KPNA4: variants seen among roughly 807,000 people sequenced by gnomAD.
The protein encoded by KPNA4 is karyopherin subunit alpha 4, also known as importin subunit alpha-3.
KPNA4 carries 13 observed loss-of-function variants against 71.3 expected under a neutral mutation model. The observed-to-expected ratio is 0.18, with a 90% CI of 0.12 to 0.29. The LOEUF is 0.29. Among genes scored for constraint, KPNA4 ranks in the 10% least tolerant of loss-of-function variants. The pLI is 1.00. For missense variants in KPNA4, 334 were observed against 603.2 expected, an observed-to-expected ratio of 0.55 and a Z score of 4.67; for synonymous variants, 189 against 195.2, an observed-to-expected ratio of 0.97 and a Z score of 0.26.
chr3:160,498,570 TG>T lies in KPNA4; in HGVS notation c.*3533del, dbSNP rs2108540249. 1 of 152,362 alleles carries T rather than the reference TG, an allele frequency of 6.6e-6. No individual in the cohort carries two copies. The highest frequency in any genetic ancestry group is 2.4e-5 in the African/African-American group (1 of 41,584). The allele number at this position is 152,362 out of a possible 1,614,324, so 9.4% of individuals were successfully genotyped here. ...GGGTTAATCAAAAGGGAGATCACCC[TG>T]GTGGGTAGGTGGCCTGATCTAATCA... On this transcript the variant is annotated 3_prime_UTR_variant, in exon 17 of 17. Transcript: ENST00000334256.
chr3:160,518,129 GTTTT>G (rs747779915), intron 11 of KPNA4, among the ~76,000 whole-genome samples: 2 of 139,100 alleles, frequency 1.4e-5, no homozygotes, highest in South Asian at 2.3e-4. Flanking sequence ...TCTATTCTGA[GTTTT>G]TTTTTTTTTT....
At chr3:160,513,217 C>A (rs912026505) in intron 13 of KPNA4, among the ~76,000 whole-genome samples, 1 of 150,920 alleles carries the variant, frequency 6.6e-6, no homozygotes. Context: ...TGTTCAGAAC[C>A]CTCATGCTGT....
chr3:160,521,010 G>GA (rs1276427784), intron 11 of KPNA4, among the ~76,000 whole-genome samples: 1 of 152,042 alleles, frequency 6.6e-6, no homozygotes, highest in Non-Finnish European at 1.5e-5. Context: ...AATATTATGT[G>GA]AAAGAATTTA....
intron 1 of KPNA4, among the ~76,000 whole-genome samples, chr3:160,563,765 A>C (rs887586502): frequency 1.3e-5 from 2 of 152,170 alleles, no homozygotes; most frequent in Non-Finnish European, 2.9e-5. Context: ...GTTATTTAAG[A>C]AGCTCATTTT....
chr3:160,513,940 G>T, intron 13 of KPNA4, 137 bp downstream of exon 13: 3 of 471,154 alleles, frequency 6.4e-6, no homozygotes, highest in Non-Finnish European at 7.0e-6. Flanking sequence ...AAGTCGTAAT[G>T]TTAATATTAC....
rs369781525 is a variant in KPNA4 at position 160,535,886 on chromosome 3, A to G, written c.126T>C (p.Asp42=). 3 of 644,412 alleles carry G rather than the reference A, an allele frequency of 4.7e-6. No individual in the cohort carries two copies. The African/African-American group carries it at 6.4e-5, about 14-fold the overall frequency. 39.9% of individuals were successfully genotyped at this position (644,412 alleles called of 1,614,324 possible). A position where few individuals can be genotyped will look rare whatever the true frequency, so the allele number is the denominator to read the frequency against. ...CATTCCTTCTCTTTAAGAGATGTTCATCTCTTTTATTCTTAAAAAAAAAAA... is the reference window on the plus strand; with the variant it reads ...CATTCCTTCTCTTTAAGAGATGTTCGTCTCTTTTATTCTTAAAAAAAAAAA... ...VVVELRKNKR[D]EHLLKRRNVP... The change falls in exon 3 of 17, where the codon GAT becomes GAC. Residue 42 remains aspartate, a synonymous_variant. Transcript: ENST00000334256.
chr3:160,565,440 T>C lies in KPNA4; in HGVS notation c.-158A>G. ...CTCTCACCTGCCTCCGCCGCGGCCTTCTCCTCTCCCCGCCCGCCCCCCCGC... is the reference window on the plus strand; with the variant it reads ...CTCTCACCTGCCTCCGCCGCGGCCTCCTCCTCTCCCCGCCCGCCCCCCCGC... On this transcript the variant is annotated 5_prime_UTR_variant, in exon 1 of 17. Coordinates refer to ENST00000334256, the MANE Select transcript of KPNA4 (RefSeq NM_002268.5). The C allele has an allele frequency of 1.6e-6, 1 of 612,254 alleles. No homozygotes were observed. Among genetic ancestry groups the C allele is most frequent in the Non-Finnish European group, 2.8e-6 (1 of 351,030 alleles). 37.9% of individuals were successfully genotyped at this position (612,254 alleles called of 1,614,324 possible).
chr3:160,508,050 A>T, intron 15 of KPNA4, 57 bp downstream of exon 15: 1 of 1,344,302 alleles, frequency 7.4e-7, no homozygotes, highest in East Asian at 2.4e-5. Flanking sequence ...GTCGGCAAAT[A>T]AAGGTAGTTA....
In KPNA4 at chr3:160,527,976, A is replaced by G; in HGVS notation, c.533T>C (p.Val178Ala). 1.2e-6 allele frequency: 2 copies of G among 1,612,382 alleles called. No individual in the cohort carries two copies. The highest frequency in any genetic ancestry group is 1.3e-5 in the African/African-American group (1 of 75,000). Residue 178 changes from valine to alanine, a missense_variant, in exon 8 of 17, where the codon GTG (valine) becomes GCG (alanine). Physicochemically the swap from Val to Ala is moderately conservative, Grantham distance 64 (BLOSUM62 0). Transcript: ENST00000334256. ...ACCTATGATATTTCCCAATGCCCAC[A>G]CTGCTTGCTCACAGACATTCTGATG... ...SPHQNVCEQA[V>A]WALGNIIGDG...
rs1453734397 is a variant in KPNA4, at chr3:160,501,014, C to A, written c.*1090G>T. ...TCATGCAAAGATCTTTATGTTATCT[C>A]TGAAAATGAAAAGGATGGCCTTTTA... On this transcript the variant is annotated 3_prime_UTR_variant, in exon 17 of 17. Coordinates refer to ENST00000334256, the MANE Select transcript of KPNA4 (RefSeq NM_002268.5). 1 of 152,418 alleles carries A rather than the reference C, an allele frequency of 6.6e-6. No individual in the cohort carries two copies. Among genetic ancestry groups the A allele is most frequent in the Non-Finnish European group, 1.5e-5 (1 of 68,014 alleles). The allele number at this position is 152,418 out of a possible 1,614,324, so 9.4% of individuals were successfully genotyped here. A position where few individuals can be genotyped will look rare whatever the true frequency, so the allele number is the denominator to read the frequency against.
chr3:160,521,736 T>C (rs767318143), intron 11 of KPNA4, 43 bp downstream of exon 11: 5 of 1,578,864 alleles, frequency 3.2e-6, no homozygotes, highest in South Asian at 1.1e-5. Flanking sequence ...TTAAAGCAAT[T>C]AGTGGTAAGA....
upstream of KPNA4, chr3:160,565,571 TGA>T (rs1430266467): frequency 2.0e-6 from 1 of 512,454 alleles, no homozygotes; most frequent in South Asian, 2.8e-5. Context: ...AGCCTCGATC[TGA>T]GGGCCCCGGC....
chr3:160,557,817 G>A (rs1722171291), intron 1 of KPNA4, among the ~76,000 whole-genome samples: 1 of 152,212 alleles, frequency 6.6e-6, no homozygotes, highest in Non-Finnish European at 1.5e-5. Flanking sequence ...TATGACTACA[G>A]GTGTGTGCCA....
intron 13 of KPNA4, among the ~76,000 whole-genome samples, chr3:160,513,282 G>A (rs1300995336): frequency 3.6e-5 from 5 of 140,238 alleles, no homozygotes; most frequent in Non-Finnish European, 7.6e-5. Context: ...TTGAGACAGG[G>A]TCTTGCTCTG....
At chr3:160,559,517 G>A (rs541355987) in intron 1 of KPNA4, among the ~76,000 whole-genome samples, 1 of 152,024 alleles carries the variant, frequency 6.6e-6, no homozygotes, top group Non-Finnish European at 1.5e-5. Flanking sequence ...GTAAAAGATG[G>A]GTAAATGTTA....
chr3:160,539,998 C>CTTTTTT (rs376611861), intron 1 of KPNA4, among the ~76,000 whole-genome samples: 35 of 129,290 alleles, frequency 2.7e-4, no homozygotes, highest in Non-Finnish European at 3.9e-4. Flanking sequence ...TTTTTCTTTT[C>CTTTTTT]TTTTTTTTTT....
intron 1 of KPNA4, among the ~76,000 whole-genome samples, chr3:160,542,753 G>A (rs1353108113): frequency 3.9e-5 from 6 of 151,956 alleles, no homozygotes; most frequent in Admixed American, 1.3e-4. Context: ...TGGACACTGA[G>A]CATAAGTGAA....
At chr3:160,548,986 T>C (rs1179421848) in intron 1 of KPNA4, among the ~76,000 whole-genome samples, 1 of 152,214 alleles carries the variant, frequency 6.6e-6, no homozygotes, top group African/African-American at 2.4e-5. Context: ...GTCATCTTAA[T>C]GGGTGGGAGA....
intron 7 of KPNA4, among the ~76,000 whole-genome samples, chr3:160,530,539 G>A (rs1359153708): frequency 1.3e-5 from 2 of 152,132 alleles, no homozygotes; most frequent in Admixed American, 6.5e-5. Flanking sequence ...GAGAGGCAAT[G>A]TGGCAACAGG....
Sources: allele counts gnomAD v4.1 joint callset (sites outside exome capture counted in the v4.1 genomes callset), GRCh38; gene constraint gnomAD v4.1.1; transcripts MANE v1.5; gene names NCBI Gene and HGNC (gene_info 2026-07-23, HGNC 2026-07-21).